CSMD1: variants seen among roughly 807,000 people sequenced by gnomAD.
The protein encoded by CSMD1 is CUB and Sushi multiple domains 1, also known as CUB and sushi domain-containing protein 1.
Under a neutral mutation model 417.5 loss-of-function variants are expected in CSMD1, and 213 were observed. The observed-to-expected ratio is 0.51, with a 90% CI of 0.46 to 0.57. CSMD1 has a LOEUF of 0.57. Among genes scored for constraint, CSMD1 ranks in the 20% least tolerant of loss-of-function variants. The pLI, the probability that CSMD1 is intolerant of heterozygous loss-of-function variation, is 0.00. For missense variants in CSMD1, 6,923 were observed against 4,529.7 expected (o/e 1.53, Z -15.17); for synonymous variants, 2,862 against 1,736.8 (o/e 1.65, Z -16.11).
chr8:3,641,198 C>T (rs952005519), intron 7 of CSMD1, among the ~76,000 whole-genome samples: 3 of 152,032 alleles, frequency 2.0e-5, no homozygotes, highest in African/African-American at 7.2e-5. Flanking sequence ...GACTGGGGTA[C>T]ATTGCCTTTT....
At chr8:3,676,693 C>A (rs2624103) in intron 7 of CSMD1, among the ~76,000 whole-genome samples, 1 of 152,074 alleles carries the variant, frequency 6.6e-6, no homozygotes, top group Admixed American at 6.6e-5. Flanking sequence ...TTAAAGATGA[C>A]TGTCCATTTC....
At chr8:3,909,148 A>G (rs1808293678) in intron 5 of CSMD1, among the ~76,000 whole-genome samples, 1 of 152,130 alleles carries the variant, frequency 6.6e-6, no homozygotes, top group Admixed American at 6.6e-5. Context: ...GTGGATCGTG[A>G]TTGGTCCTTT....
chr8:4,874,536 C>G (rs978914944), intron 1 of CSMD1, among the ~76,000 whole-genome samples: 4 of 151,552 alleles, frequency 2.6e-5, no homozygotes, highest in African/African-American at 7.3e-5. Context: ...ATTACGGGTG[C>G]CTGCCACCTC....
intron 1 of CSMD1, among the ~76,000 whole-genome samples, chr8:4,743,353 C>G (rs1810743153): frequency 6.6e-6 from 1 of 152,018 alleles, no homozygotes; most frequent in African/African-American, 2.4e-5. Flanking sequence ...ACCAAACAGC[C>G]CAACAAAAAA....
intron 2 of CSMD1, among the ~76,000 whole-genome samples, chr8:4,524,352 T>C (rs894316671): frequency 6.6e-6 from 1 of 151,602 alleles, no homozygotes; most frequent in Non-Finnish European, 1.5e-5. Context: ...AAAAACGCAA[T>C]AGAAAGAAGA....
intron 3 of CSMD1, among the ~76,000 whole-genome samples, chr8:4,245,978 G>C (rs901148052): frequency 6.6e-6 from 1 of 152,142 alleles, no homozygotes; most frequent in African/African-American, 2.4e-5. Context: ...GCCGTGGACA[G>C]GGATGGTCTC....
intron 5 of CSMD1, among the ~76,000 whole-genome samples, chr8:3,795,138 G>GATAT (rs1554439956): frequency 0.04 from 2,770 of 68,692 alleles, 717 homozygotes; most frequent in East Asian, 0.16. Flanking sequence ...TACAGCTATA[G>GATAT]ATATCTATCA....
chr8:4,222,469 T>A (rs1801097230), intron 3 of CSMD1, among the ~76,000 whole-genome samples: 1 of 152,202 alleles, frequency 6.6e-6, no homozygotes, highest in Admixed American at 6.5e-5. Flanking sequence ...GTCCGTCATA[T>A]GTTCTCAGTA....
intron 1 of CSMD1, among the ~76,000 whole-genome samples, chr8:4,774,397 G>C (rs1007947770): frequency 3.3e-5 from 5 of 152,190 alleles, no homozygotes; most frequent in African/African-American, 7.2e-5. Flanking sequence ...CCCACCTCCA[G>C]TTGGAAACAT....
chr8:3,680,505 A>T (rs917157849), intron 7 of CSMD1, among the ~76,000 whole-genome samples: 1 of 152,226 alleles, frequency 6.6e-6, no homozygotes, highest in Non-Finnish European at 1.5e-5. Flanking sequence ...TGAATCTCTG[A>T]ATAGACCAAT....
At chr8:3,382,684 C>T (rs1028983506) in intron 18 of CSMD1, among the ~76,000 whole-genome samples, 22 of 150,070 alleles carry the variant, frequency 1.5e-4, no homozygotes, top group Non-Finnish European at 2.4e-4. Context: ...CTCATTTTCT[C>T]ATAGATCTGT....
At chr8:3,310,524 G>T (rs184003822) in intron 23 of CSMD1, among the ~76,000 whole-genome samples, 1 of 152,136 alleles carries the variant, frequency 6.6e-6, no homozygotes, top group Non-Finnish European at 1.5e-5. Context: ...AAAATCTTGC[G>T]CTATCTTGAA....
chr8:4,389,145 G>C (rs774438374), intron 3 of CSMD1, among the ~76,000 whole-genome samples: 27 of 152,292 alleles, frequency 1.8e-4, no homozygotes, highest in African/African-American at 3.6e-4. Flanking sequence ...CTGTTCTAAA[G>C]CTTTTCATTA....
chr8:3,314,811 A>G (rs1461734578), intron 23 of CSMD1, among the ~76,000 whole-genome samples: 1 of 152,222 alleles, frequency 6.6e-6, no homozygotes, highest in African/African-American at 2.4e-5. Flanking sequence ...TATTCGGATT[A>G]GTTCTTATCT....
At chr8:4,102,590 C>A (rs79793240) in intron 3 of CSMD1, among the ~76,000 whole-genome samples, 2,918 of 152,272 alleles carry the variant, frequency 0.019, 101 homozygotes, top group African/African-American at 0.067. Flanking sequence ...ATAATTCAAT[C>A]TAATGTAACT....
intron 12 of CSMD1, among the ~76,000 whole-genome samples, chr8:3,446,051 A>G (rs1160107165): frequency 1.3e-5 from 2 of 152,200 alleles, no homozygotes; most frequent in Non-Finnish European, 2.9e-5. Flanking sequence ...CATTTTTGAC[A>G]AGAAGGTGAA....
chr8:4,358,794 C>T (rs1169285267), intron 3 of CSMD1, among the ~76,000 whole-genome samples: 1 of 152,058 alleles, frequency 6.6e-6, no homozygotes, highest in African/African-American at 2.4e-5. Context: ...TCAGCCAAGG[C>T]AAGGGTAAAC....
At chr8:4,237,448 C>T (rs937104857) in intron 3 of CSMD1, among the ~76,000 whole-genome samples, 2 of 152,012 alleles carry the variant, frequency 1.3e-5, no homozygotes, top group Admixed American at 6.6e-5. Flanking sequence ...ATACCCTAAA[C>T]GGTAAGAGCT....
chr8:4,528,226 T>G (rs941352112), intron 2 of CSMD1, among the ~76,000 whole-genome samples: 2 of 152,204 alleles, frequency 1.3e-5, no homozygotes, highest in African/African-American at 4.8e-5. Flanking sequence ...CCATCTTCAG[T>G]GATAAGACAA....
Sources: allele counts gnomAD v4.1 joint callset (sites outside exome capture counted in the v4.1 genomes callset), GRCh38; gene constraint gnomAD v4.1.1; transcripts MANE v1.5; gene names NCBI Gene and HGNC (gene_info 2026-07-23, HGNC 2026-07-21).